DNAH2: variants seen among roughly 807,000 people sequenced by gnomAD.
The protein encoded by DNAH2 is axonemal beta dynein heavy chain 2.
In DNAH2, 323 loss-of-function variants were observed where a neutral mutation model predicts 523.5. The observed-to-expected ratio is 0.62, with a 90% confidence interval of 0.56 to 0.68. DNAH2 has a LOEUF of 0.68. Among genes scored for constraint, DNAH2 ranks in the 30% least tolerant of loss-of-function variants. The pLI, the probability that DNAH2 is intolerant of heterozygous loss-of-function variation, is 0.00. For missense variants in DNAH2, 4,907 were observed against 5,701.5 expected (o/e 0.86, Z 4.49); for synonymous variants, 2,093 against 2,177.4 (o/e 0.96, Z 1.08).
chr17:7,723,172 G>T (rs6503053), intron 2 of DNAH2, among the ~76,000 whole-genome samples: 1 of 148,676 alleles, frequency 6.7e-6, no homozygotes, highest in Non-Finnish European at 1.5e-5. Context: ...GGGTTTCACC[G>T]TATTAGTCAG....
Position 7,831,148 on chromosome 17 carries a change from A to C in DNAH2, c.12293A>C (p.Tyr4098Ser). The change falls in exon 80 of 86, where the codon TAC (tyrosine) becomes TCC (serine). Residue 4098 changes from tyrosine to serine, a missense_variant. By Grantham distance (144) the Tyr-to-Ser change is moderately radical. This residue lies in a region of DNAH2 where 1,851 missense variants were observed against 2,139.4 expected (regional missense o/e 0.87). Coordinates refer to ENST00000572933, the MANE Select transcript of DNAH2 (RefSeq NM_020877.5). This position sits in a 1 kb window ranked among gnomAD's most constrained non-coding sequence, Gnocchi z 4.2. ...KDGSLASYKE[Y>S]ISLLPGMDPP... ...GGCAGCCTCGCTTCTTACAAGGAAT[A>C]CATCAGCTTATTGCCTGGCATGGAC... 1 of 1,614,128 alleles carries C rather than the reference A, an allele frequency of 6.2e-7. No homozygotes were observed. Among genetic ancestry groups the C allele is most frequent in the African/African-American group, 1.3e-5 (1 of 75,034 alleles).
chr17:7,730,943 T>C (rs777107972), intron 4 of DNAH2, among the ~76,000 whole-genome samples: 94 of 151,776 alleles, frequency 6.2e-4, no homozygotes, highest in Non-Finnish European at 1.2e-3. Flanking sequence ...AGTGAAACCC[T>C]GTCTCTACTA....
chr17:7,791,785 C>A, intron 44 of DNAH2, 132 bp from the exon 45 acceptor site: 1 of 850,808 alleles, frequency 1.2e-6, no homozygotes, highest in Non-Finnish European at 1.8e-6. Context: ...ATTTGGAAAA[C>A]TGTGCGATTT....
rs2076293833 is a variant in DNAH2 at position 7,770,780 on chromosome 17, G to A, written c.4209G>A (p.Leu1403=). The stretch of plus-strand genomic sequence containing the variant: ...GTACAGAAGAAGTATTCCAGGCACT[G>A]GAAGATAACCAGGTAGCTCTGTCTA... ...LRGTEEVFQA[L]EDNQVALSTM... is the part of the protein sequence containing the mutation. Residue 1403 remains leucine, a synonymous_variant, in exon 27 of 86, where the codon CTG becomes CTA. Coordinates refer to ENST00000572933, the MANE Select transcript of DNAH2 (RefSeq NM_020877.5). 1.2e-6 allele frequency: 2 copies of A among 1,614,144 alleles called. No homozygotes were observed. Among genetic ancestry groups the A allele is most frequent in the East Asian group, 2.2e-5 (1 of 44,884 alleles).
chr17:7,744,115 G>A (rs751434827), intron 12 of DNAH2, among the ~76,000 whole-genome samples: 42 of 151,830 alleles, frequency 2.8e-4, no homozygotes, highest in Non-Finnish European at 5.0e-4. Context: ...CCAGCATGGC[G>A]AAACCCTGTC....
chr17:7,787,110 C>T (rs2076761843), intron 42 of DNAH2, 77 bp downstream of exon 42: 10 of 1,554,194 alleles, frequency 6.4e-6, no homozygotes, highest in Non-Finnish European at 7.8e-6. Context: ...GGGAGGAGAG[C>T]CAGAAATCTC....
rs763424483 is a variant in DNAH2 at position 7,818,112 on chromosome 17, C to T, written c.10387+16C>T. 2 of 1,608,924 alleles carry T rather than the reference C, an allele frequency of 1.2e-6. No individual in the cohort carries two copies. Among genetic ancestry groups the T allele is most frequent in the South Asian group, 1.1e-5 (1 of 91,084 alleles). On this transcript the variant is annotated intron_variant, in intron 68 of 85. Transcript: ENST00000572933. ...GCCCGAATCGGTCAGGACAAGTCCC[C>T]AAGACCAGCCAAGTGGGATGCTAGG...
At chr17:7,758,380 T>C in intron 13 of DNAH2, 115 bp from the exon 14 acceptor site, 1 of 1,293,908 alleles carries the variant, frequency 7.7e-7, no homozygotes. Flanking sequence ...TAGAATCTAG[T>C]CTAGAATCTA....
chr17:7,731,138 TA>T (rs530996738), intron 4 of DNAH2, among the ~76,000 whole-genome samples: 170 of 119,894 alleles, frequency 1.4e-3, no homozygotes, highest in African/African-American at 5.1e-3. Context: ...ATAAATTAAT[TA>T]AATTAAATTA....
Position 7,764,228 on chromosome 17 carries a change from G to C in DNAH2, c.3291G>C (p.Glu1097Asp), listed in dbSNP as rs1389854847. Residue 1097 changes from glutamate (E) to aspartate (D), a missense_variant, in exon 20 of 86, where the codon GAG (glutamate) becomes GAC (aspartate). Around this residue, in one of 3 missense-constraint regions of DNAH2, gnomAD observed 2,806 missense variants for 3,190.8 expected, o/e 0.88. Coordinates refer to ENST00000572933, the MANE Select transcript of DNAH2 (RefSeq NM_020877.5). ...NVETQIPPIH[E>D]QFAILEKYEV... ...AGACTCAGATCCCTCCCATACACGA[G>C]CAATTTGCCATTCTTGAAAAGTACG... 4 of 1,613,620 alleles carry C rather than the reference G, an allele frequency of 2.5e-6. No homozygotes were observed. The South Asian group carries it at 3.3e-5, about 13-fold the overall frequency.
chr17:7,779,111 G>C, intron 35 of DNAH2, 132 bp from the exon 36 acceptor site: 1 of 970,800 alleles, frequency 1.0e-6, no homozygotes, highest in Non-Finnish European at 1.5e-6. Context: ...GTACTCTGGT[G>C]CCCTCCTCCC....
At chr17:7,747,050 C>T (rs933723657) in intron 12 of DNAH2, among the ~76,000 whole-genome samples, 3 of 151,416 alleles carry the variant, frequency 2.0e-5, no homozygotes, top group South Asian at 2.1e-4. Flanking sequence ...AGCACATATC[C>T]CCAATCCCTA....
intron 63 of DNAH2, among the ~76,000 whole-genome samples, chr17:7,809,656 G>T (rs2151307516): frequency 6.6e-6 from 1 of 152,118 alleles, no homozygotes; most frequent in East Asian, 1.9e-4. Context: ...GGACCTCTGG[G>T]GTGCACTGCC....
At position 7,823,611 on chromosome 17, in the gene DNAH2, A is replaced by C. The variant is rs756865639; in HGVS notation, c.11312A>C (p.Glu3771Ala). 6.2e-7 allele frequency: 1 copy of C among 1,614,050 alleles called. No homozygotes were observed. Among genetic ancestry groups the C allele is most frequent in the Non-Finnish European group, 8.5e-7 (1 of 1,179,982 alleles). ...CTGTGGTATACCAATGCTGCCCCGG[A>C]GAAGGCGATGCTGCCAGGTACCAGG... ...WHLWYTNAAP[E>A]KAMLPGEWEN... The change falls in exon 74 of 86, where the codon GAG becomes GCG. Residue 3771 changes from glutamate (E) to alanine (A), a missense_variant. Physicochemically the swap from Glu to Ala is moderately radical, Grantham distance 107 (BLOSUM62 -1). Coordinates refer to ENST00000572933, the MANE Select transcript of DNAH2 (RefSeq NM_020877.5).
chr17:7,804,387 T>G lies in DNAH2; in HGVS notation c.9104T>G (p.Val3035Gly), dbSNP rs1403886871. ...SLELEDAKKK[V>G]AEFQKQCEEY... ...GAGCTGGAGGATGCCAAGAAGAAGG[T>G]GGCTGAGTTCCAGAAGCAGTGTGAG... is the stretch of plus-strand genomic sequence containing the variant. The change falls in exon 59 of 86, where the codon GTG (valine) becomes GGG (glycine). Residue 3035 changes from valine (V) to glycine (G), a missense_variant. Transcript: ENST00000572933. 6.8e-6 allele frequency: 11 copies of G among 1,614,050 alleles called. No individual in the cohort carries two copies. The highest frequency in any genetic ancestry group is 9.3e-6 in the Non-Finnish European group (11 of 1,179,990).
chr17:7,830,936 T>C, intron 79 of DNAH2, 94 bp downstream of exon 79: 1 of 1,552,308 alleles, frequency 6.4e-7, no homozygotes, highest in Non-Finnish European at 8.8e-7. Context: ...GGAGAGGACG[T>C]GAGATTGGAA....
chr17:7,734,252 A>C lies in DNAH2; in HGVS notation c.698A>C (p.Glu233Ala). ...IPAEAMNMKP[E>A]MVIKDKELVQ... ...GCAGAGGCCATGAACATGAAGCCTG[A>C]GATGGTGATAAAGGACAAAGAGCTG... The change falls in exon 6 of 86, where the codon GAG becomes GCG. Residue 233 changes from glutamate (E) to alanine (A), a missense_variant. Around this residue, in one of 3 missense-constraint regions of DNAH2, gnomAD observed 2,806 missense variants for 3,190.8 expected, o/e 0.88. Transcript: ENST00000572933. The C allele has an allele frequency of 6.2e-7, 1 of 1,607,610 alleles. No individual in the cohort carries two copies. The highest frequency in any genetic ancestry group is 2.2e-5 in the East Asian group (1 of 44,772).
chr17:7,746,095 C>G (rs2075511210), intron 12 of DNAH2, among the ~76,000 whole-genome samples: 1 of 152,156 alleles, frequency 6.6e-6, no homozygotes, highest in African/African-American at 2.4e-5. Context: ...CATTCTTGCC[C>G]CCTTCAAAAC....
Position 7,780,959 on chromosome 17 carries a change from T to C in DNAH2, c.6004-83T>C. ...GGCTAACTGGTGTATCCATTGTTCT[T>C]GGCACGTGCCCCGAAGCCCTTTGGA... On this transcript the variant is annotated intron_variant, in intron 38 of 85. Coordinates refer to ENST00000572933, the MANE Select transcript of DNAH2 (RefSeq NM_020877.5). The surrounding 1 kb of genome is among the most constrained non-coding windows in gnomAD (Gnocchi z 4.4). The C allele has an allele frequency of 1.2e-6, 2 of 1,605,266 alleles. No individual in the cohort carries two copies. Among genetic ancestry groups the C allele is most frequent in the Non-Finnish European group, 1.7e-6 (2 of 1,176,074 alleles).
Sources: allele counts gnomAD v4.1 joint callset (sites outside exome capture counted in the v4.1 genomes callset), GRCh38; gene constraint gnomAD v4.1.1; regional missense constraint gnomAD v4.1.1; non-coding constraint Gnocchi (gnomAD v3.1); transcripts MANE v1.5; gene names NCBI Gene and HGNC (gene_info 2026-07-23, HGNC 2026-07-21).